Variants in IBTK observed in about 807,000 individuals in gnomAD.
IBTK encodes the protein BTK-binding protein.
Under a neutral mutation model 154.9 loss-of-function variants are expected in IBTK, and 83 were observed. That is an observed-to-expected ratio of 0.54 (90% CI 0.45 to 0.64). IBTK has a LOEUF of 0.64. Ranked by LOEUF, IBTK falls within the 30% of genes least tolerant of loss-of-function variation. The pLI is 0.00. For synonymous variants in IBTK, 515 were observed against 536.1 expected, an observed-to-expected ratio of 0.96 and a Z score of 0.54; for missense variants, 1,332 against 1,584.6, an observed-to-expected ratio of 0.84 and a Z score of 2.71.
rs1313924734 is a variant in IBTK at position 82,212,832 on chromosome 6, C to T, written c.2205-39G>A. On this transcript the variant is annotated intron_variant, in intron 12 of 28. Transcript: ENST00000306270. The stretch of plus-strand genomic sequence containing the variant: ...ATAAAAATTAACAATTGATATTCCC[C>T]TACAAAAATAAACATACAACAAAAA... 3.5e-6 allele frequency: 4 copies of T among 1,150,282 alleles called. No homozygotes were observed. In the East Asian group the frequency reaches 9.4e-5, roughly 27 times the overall value. The allele number at this position is 1,150,282 out of a possible 1,614,324, so 71.3% of individuals were successfully genotyped here. A position where few individuals can be genotyped will look rare whatever the true frequency, so the allele number is the denominator to read the frequency against.
rs572862731 is a variant in IBTK, at chr6:82,235,872, T to C, written c.322-1617A>G. 3.3e-5 allele frequency among the ~76,000 whole-genome samples: 5 copies of C among 152,028 alleles called. No individual in the cohort carries two copies. In the East Asian group the frequency reaches 7.7e-4, roughly 24 times the overall value. On this transcript the variant is annotated intron_variant, in intron 2 of 28. Transcript: ENST00000306270. ...ATTTGTTCATTAATTTTTGTTGTTA[T>C]TGTTTTTTTTGGTTTTTTTGAGACG...
At chr6:82,210,750 C>A in intron 16 of IBTK, 64 bp downstream of exon 16, 1 of 624,830 alleles carries the variant, frequency 1.6e-6, no homozygotes, top group East Asian at 3.2e-5. Flanking sequence ...TTAAGATTCA[C>A]GTTGATTTTA....
intron 1 of IBTK, among the ~76,000 whole-genome samples, chr6:82,247,035 G>C (rs1403543778): frequency 1.3e-5 from 2 of 151,794 alleles, no homozygotes; most frequent in Non-Finnish European, 2.9e-5. Flanking sequence ...CAAAAACAAA[G>C]GGCCTGTCTT....
At chr6:82,239,867 C>T (rs891654743) in intron 2 of IBTK, among the ~76,000 whole-genome samples, 2 of 152,108 alleles carry the variant, frequency 1.3e-5, no homozygotes, top group Admixed American at 1.3e-4. Context: ...GTATAATACT[C>T]ATTAAATGAT....
chr6:82,194,591 C>T lies in IBTK; in HGVS notation c.3226G>A (p.Asp1076Asn). The change falls in exon 23 of 29, where the codon GAT becomes AAT. Residue 1076 changes from aspartate (D) to asparagine (N), a missense_variant. Asp to Asn is a conservative substitution (Grantham distance 23, BLOSUM62 1). This residue lies in a region of IBTK where 1,134 missense variants were observed against 1,274.7 expected (regional missense o/e 0.89). Coordinates refer to ENST00000306270, the MANE Select transcript of IBTK (RefSeq NM_015525.4). ...GGTGACTTTTCCCATGGTTTTAAAT[C>T]TTCCCTAGAATACACAGGAGATGTA... ...NGTSPVYSRE[D>N]LKPWEKSPIL... The T allele has an allele frequency of 6.2e-7, 1 of 1,611,646 alleles. No individual in the cohort carries two copies. The highest frequency in any genetic ancestry group is 2.2e-5 in the East Asian group (1 of 44,736).
At chr6:82,213,982 G>C (rs1769758974) in intron 12 of IBTK, among the ~76,000 whole-genome samples, 1 of 151,686 alleles carries the variant, frequency 6.6e-6, no homozygotes, top group Non-Finnish European at 1.5e-5. Context: ...TTGAGACACA[G>C]TCTCGCTCTG....
At chr6:82,238,447 T>A (rs569438927) in intron 2 of IBTK, among the ~76,000 whole-genome samples, 87 of 151,168 alleles carry the variant, frequency 5.8e-4, no homozygotes, top group Non-Finnish European at 1.1e-3. Flanking sequence ...TTTTAATGAT[T>A]TTTTTTTTGA....
chr6:82,201,632 G>A, intron 18 of IBTK, 150 bp from the exon 19 acceptor site: 1 of 493,744 alleles, frequency 2.0e-6, no homozygotes, highest in Non-Finnish European at 3.6e-6. Context: ...AATTCCTTTT[G>A]GAAATAGATG....
intron 2 of IBTK, among the ~76,000 whole-genome samples, chr6:82,237,661 G>GTAGTAGTAGTAGTAGTAGTAGTAGTA (rs1554188041): frequency 7.0e-6 from 1 of 143,674 alleles, no homozygotes; most frequent in Non-Finnish European, 1.5e-5. Flanking sequence ...AGATAGTAGT[G>GTAGTAGTAGTAGTAGTAGTAGTAGTA]GTAGTAGTAG....
At chr6:82,174,720 A>C (rs1321735313) in intron 26 of IBTK, among the ~76,000 whole-genome samples, 5 of 152,172 alleles carry the variant, frequency 3.3e-5, no homozygotes, top group Non-Finnish European at 1.5e-5. Flanking sequence ...TATCCCATTT[A>C]ATCTTTGCAA....
chr6:82,204,674 A>G (rs1769330227), intron 17 of IBTK, among the ~76,000 whole-genome samples, 183 bp downstream of exon 17: 1 of 152,160 alleles, frequency 6.6e-6, no homozygotes. Flanking sequence ...ATATTTTCAC[A>G]TATTTCTAAA....
At chr6:82,205,133 C>G (rs1192503779) in intron 16 of IBTK, 175 bp from the exon 17 acceptor site, 1 of 413,088 alleles carries the variant, frequency 2.4e-6, no homozygotes, top group Admixed American at 4.3e-5. Flanking sequence ...AAAGGGCAAC[C>G]ATAATAAAAA....
intron 9 of IBTK, among the ~76,000 whole-genome samples, chr6:82,219,939 G>A (rs1770031978): frequency 6.6e-6 from 1 of 152,138 alleles, no homozygotes; most frequent in African/African-American, 2.4e-5. Context: ...GCCAGGCGCA[G>A]TGGCTCATGC....
chr6:82,226,500 T>TA (rs5877794), intron 5 of IBTK, among the ~76,000 whole-genome samples: 36,247 of 152,014 alleles, frequency 0.24, 4,382 homozygotes, highest in African/African-American at 0.28. Flanking sequence ...ATAATGAAAA[T>TA]ACTGGCTCAA....
At chr6:82,178,795 G>C (rs1351858940) in intron 26 of IBTK, among the ~76,000 whole-genome samples, 1 of 152,166 alleles carries the variant, frequency 6.6e-6, no homozygotes, top group South Asian at 2.1e-4. Flanking sequence ...TAACTGAATA[G>C]ATATTGAAAG....
At chr6:82,173,475 C>A in intron 26 of IBTK, 37 bp from the exon 27 acceptor site, 1 of 1,541,464 alleles carries the variant, frequency 6.5e-7, no homozygotes, top group East Asian at 2.2e-5. Flanking sequence ...ATTAAAGCTT[C>A]TAGTAATATT....
At chr6:82,185,640 C>T (rs1400603595) in intron 25 of IBTK, among the ~76,000 whole-genome samples, 1 of 150,950 alleles carries the variant, frequency 6.6e-6, no homozygotes. Flanking sequence ...CAAGTATTTA[C>T]ATTCTATGTG....
In IBTK at chr6:82,234,185, G is replaced by C; in HGVS notation, c.392C>G (p.Pro131Arg). 6.3e-7 allele frequency: 1 copy of C among 1,596,432 alleles called. No individual in the cohort carries two copies. The highest frequency in any genetic ancestry group is 2.3e-5 in the East Asian group (1 of 44,438). The part of the protein sequence containing the change: ...SALDLVMKDR[P>R]THVVFKNTDP... ...AGTATTCTTGAATACTACATGAGTT[G>C]GTCTATCCTTCATTACAAGATCCAA... The change falls in exon 3 of 29, where the codon CCA becomes CGA. Residue 131 changes from proline (P) to arginine (R), a missense_variant. Transcript: ENST00000306270.
chr6:82,174,279 G>T (rs771781182), intron 26 of IBTK, among the ~76,000 whole-genome samples: 3 of 152,090 alleles, frequency 2.0e-5, no homozygotes, highest in Non-Finnish European at 2.9e-5. Context: ...TAAAAATCAG[G>T]CTGATTAAAA....
Sources: allele counts gnomAD v4.1 joint callset (sites outside exome capture counted in the v4.1 genomes callset), GRCh38; gene constraint gnomAD v4.1.1; regional missense constraint gnomAD v4.1.1; transcripts MANE v1.5; gene names NCBI Gene and HGNC (gene_info 2026-07-23, HGNC 2026-07-21).